The following SEC24A variants were observed in gnomAD, a reference collection of about 807,000 sequenced individuals.
SEC24A encodes protein transport protein Sec24A.
SEC24A carries 93 observed loss-of-function variants against 129.4 expected under a neutral mutation model. The observed-to-expected ratio is 0.72, with a 90% CI of 0.61 to 0.85. The LOEUF (loss-of-function observed/expected upper bound fraction) is 0.85. Among genes scored for constraint, SEC24A ranks in the 40% least tolerant of loss-of-function variants. The pLI is 0.00. For missense variants in SEC24A, 1,264 were observed against 1,307.4 expected (o/e 0.97, Z 0.51); for synonymous variants, 460 against 467.3 (o/e 0.98, Z 0.20).
At chr5:134,706,079 G>C (rs549008696) in intron 17 of SEC24A, among the ~76,000 whole-genome samples, 2 of 151,958 alleles carry the variant, frequency 1.3e-5, no homozygotes, top group Admixed American at 6.6e-5. Context: ...GTAGAGACAG[G>C]GTTTCTTCAT....
At position 134,715,136 on chromosome 5, in the gene SEC24A, AT is replaced by A; in HGVS notation, c.2841del (p.Tyr947Ter). The A allele has an allele frequency of 6.2e-7, 1 of 1,608,848 alleles. No homozygotes were observed. The highest frequency in any genetic ancestry group is 8.5e-7 in the Non-Finnish European group (1 of 1,178,812). On this transcript the variant is annotated frameshift_variant, in exon 19 of 23. Coordinates refer to ENST00000398844, the MANE Select transcript of SEC24A (RefSeq NM_021982.3). LOFTEE classifies it high-confidence loss of function. ...ATGCTCACAACTCATCCCAGTTTGT[AT>A]AGAGTTGACAATCTCTCAGATGAGG... ...YLMLTTHPSL[Y>X]RVDNLSDEGA...
intron 10 of SEC24A, 47 bp downstream of exon 10, chr5:134,686,949 AAATG>A: frequency 9.6e-7 from 1 of 1,043,028 alleles, no homozygotes; most frequent in Non-Finnish European, 1.4e-6. Context: ...AATATTTTCT[AAATG>A]AATAAGTAGT....
intron 22 of SEC24A, among the ~76,000 whole-genome samples, chr5:134,724,313 G>A (rs1284782427): frequency 6.6e-6 from 1 of 152,164 alleles, no homozygotes; most frequent in Admixed American, 6.5e-5. Flanking sequence ...AAGTCGCCGG[G>A]CGCGGTGGCT....
At chr5:134,710,600 G>A (rs534454688) in intron 18 of SEC24A, among the ~76,000 whole-genome samples, 138 of 152,152 alleles carry the variant, frequency 9.1e-4, no homozygotes, top group African/African-American at 3.3e-3. Flanking sequence ...GATCTGGATT[G>A]GACTTCCATA....
chr5:134,712,063 C>G (rs1324658622), intron 18 of SEC24A, among the ~76,000 whole-genome samples: 2 of 151,660 alleles, frequency 1.3e-5, no homozygotes, highest in Admixed American at 6.6e-5. Flanking sequence ...GAACTCCTGA[C>G]CTCAATGATC....
At chr5:134,704,126 G>C (rs895951352) in intron 16 of SEC24A, among the ~76,000 whole-genome samples, 194 bp downstream of exon 16, 3 of 152,022 alleles carry the variant, frequency 2.0e-5, no homozygotes, top group Non-Finnish European at 4.4e-5. Context: ...CTGGAGTGCA[G>C]TGGCGCAGTC....
Position 134,707,444 on chromosome 5 carries a change from C to T in SEC24A, c.2552-1269C>T, listed in dbSNP as rs1001640668. ...TCCAGGGTTCACGCCATTCGCCTGC[C>T]TCAGCCTCCCCAGTAGCTGGGACTA... On this transcript the variant is annotated intron_variant, in intron 17 of 22. Coordinates refer to ENST00000398844, the MANE Select transcript of SEC24A (RefSeq NM_021982.3). 3.3e-5 allele frequency among the ~76,000 whole-genome samples: 5 copies of T among 151,962 alleles called. No individual in the cohort carries two copies. In the South Asian group the frequency reaches 6.2e-4, roughly 19 times the overall value.
intron 1 of SEC24A, among the ~76,000 whole-genome samples, chr5:134,652,482 C>T (rs914238065): frequency 2.6e-5 from 4 of 151,622 alleles, no homozygotes; most frequent in Non-Finnish European, 4.4e-5. Flanking sequence ...GACGGGGTTT[C>T]GCCACGTTGC....
At chr5:134,686,434 G>T (rs569972867) in intron 9 of SEC24A, among the ~76,000 whole-genome samples, 1 of 151,880 alleles carries the variant, frequency 6.6e-6, no homozygotes, top group Non-Finnish European at 1.5e-5. Context: ...ACGGGGTTTC[G>T]CCATGTTGGT....
chr5:134,704,444 G>C (rs1019818707), intron 16 of SEC24A, among the ~76,000 whole-genome samples: 1 of 152,084 alleles, frequency 6.6e-6, no homozygotes, highest in Admixed American at 6.6e-5. Context: ...TTAGCATATT[G>C]TCATTTGAAT....
intron 12 of SEC24A, chr5:134,693,466 G>T (rs1374625428): frequency 2.2e-6 from 3 of 1,381,996 alleles, no homozygotes; most frequent in South Asian, 1.7e-5. Flanking sequence ...GGTTCTTTTG[G>T]ATACATTTTG....
intron 7 of SEC24A, among the ~76,000 whole-genome samples, chr5:134,677,422 G>A (rs954864113): frequency 1.3e-5 from 2 of 151,318 alleles, no homozygotes; most frequent in South Asian, 2.1e-4. Context: ...ACTACTTTTG[G>A]TGATAGGATT....
chr5:134,668,883 CA>C (rs898921358), intron 3 of SEC24A, among the ~76,000 whole-genome samples: 2 of 147,762 alleles, frequency 1.4e-5, no homozygotes, highest in African/African-American at 2.5e-5. Flanking sequence ...GACTCTGTCT[CA>C]AAAAAAAATA....
intron 16 of SEC24A, 96 bp downstream of exon 16, chr5:134,704,028 T>A: frequency 1.5e-6 from 1 of 662,424 alleles, no homozygotes; most frequent in Non-Finnish European, 2.5e-6. Context: ...GCATATCTTA[T>A]GTGTGCTAAC....
intron 15 of SEC24A, among the ~76,000 whole-genome samples, chr5:134,698,416 C>G (rs528760468): frequency 5.7e-4 from 86 of 151,984 alleles, no homozygotes; most frequent in Non-Finnish European, 1.1e-3. Context: ...CGAGCCTGGA[C>G]AACATTGCAA....
At chr5:134,665,959 T>C (rs533783571) in intron 2 of SEC24A, among the ~76,000 whole-genome samples, 109 of 152,284 alleles carry the variant, frequency 7.2e-4, no homozygotes, top group African/African-American at 2.5e-3. Context: ...ACACATGGCC[T>C]ATTGAATCTA....
Position 134,661,194 on chromosome 5 carries a change from A to G in SEC24A, c.173A>G (p.Tyr58Cys), listed in dbSNP as rs1233408495. 6.2e-7 allele frequency: 1 copy of G among 1,614,100 alleles called. No individual in the cohort carries two copies. Among genetic ancestry groups the G allele is most frequent in the African/African-American group, 1.3e-5 (1 of 75,022 alleles). ...TACAATTTCCAGCTTCCAGGATCCT[A>G]CCCTCATCCAATACCAGCAAAGACT... ...QGYNFQLPGSYPHPIPAKTLN... is the reference protein window; with the variant it reads ...QGYNFQLPGSCPHPIPAKTLN... Residue 58 changes from tyrosine to cysteine, a missense_variant, in exon 2 of 23, where the codon TAC (tyrosine) becomes TGC (cysteine). Coordinates refer to ENST00000398844, the MANE Select transcript of SEC24A (RefSeq NM_021982.3).
chr5:134,660,575 C>CT (rs551519421), intron 1 of SEC24A, among the ~76,000 whole-genome samples: 1,681 of 139,292 alleles, frequency 0.012, 22 homozygotes, highest in African/African-American at 0.028. Context: ...TTTAGTCCAT[C>CT]TTTTTTTTTT....
intron 2 of SEC24A, among the ~76,000 whole-genome samples, chr5:134,663,281 G>A (rs1400974959): frequency 2.0e-5 from 3 of 152,012 alleles, no homozygotes; most frequent in African/African-American, 7.2e-5. Context: ...CTGTCGCCCA[G>A]GGTAGAGTAG....
Sources: gnomAD v4.1 joint callset for allele counts (sites outside exome capture counted in the v4.1 genomes callset) on GRCh38, gnomAD v4.1.1 for gene constraint, MANE v1.5 for transcripts, NCBI Gene and HGNC (gene_info 2026-07-23, HGNC 2026-07-21) for gene names.